EPYC: variants seen among roughly 807,000 people sequenced by gnomAD.
EPYC encodes the protein dermatan sulfate proteoglycan 3.
A neutral mutation model predicts 30.1 loss-of-function variants in EPYC; 28 were observed. The ratio of observed to expected loss-of-function variants is 0.93; its 90% CI spans 0.69 to 1.28. The LOEUF is 1.28. Ranked by LOEUF, EPYC falls within the 50% of genes most tolerant of loss-of-function variation. The pLI, the probability that EPYC is intolerant of heterozygous loss-of-function variation, is 0.00. For missense variants in EPYC, 382 were observed against 383.5 expected, an observed-to-expected ratio of 1.00 and a Z score of 0.03; for synonymous variants, 144 against 141.4, an observed-to-expected ratio of 1.02 and a Z score of -0.13.
chr12:90,978,143 G>A lies in EPYC; in HGVS notation c.285C>T (p.Gly95=). Residue 95 remains glycine, a synonymous_variant, in exon 3 of 7, where the codon GGC becomes GGT. Transcript: ENST00000261172. ...EEESTPRLID[G]SSPQEPEFTG... is the part of the protein sequence containing the mutation. Reference sequence around the variant, plus strand: ...TGAATTCAGGCTCCTGGGGAGAAGAGCCATCAATCAGCCTGGGAGTAGATT... The same window carrying A: ...TGAATTCAGGCTCCTGGGGAGAAGAACCATCAATCAGCCTGGGAGTAGATT... 1 of 1,605,366 alleles carries A rather than the reference G, an allele frequency of 6.2e-7. No homozygotes were observed. The highest frequency in any genetic ancestry group is 8.5e-7 in the Non-Finnish European group (1 of 1,176,440).
chr12:90,993,829 A>G (rs1877640682), intron 2 of EPYC, among the ~76,000 whole-genome samples: 1 of 152,046 alleles, frequency 6.6e-6, no homozygotes, highest in Admixed American at 6.6e-5. Context: ...TTGTGTGCAT[A>G]TTATAGCATT....
chr12:90,973,178 G>A (rs1877097112), intron 3 of EPYC, among the ~76,000 whole-genome samples, 198 bp from the exon 4 acceptor site: 1 of 149,144 alleles, frequency 6.7e-6, no homozygotes, highest in African/African-American at 2.5e-5. Flanking sequence ...TATATTCAAT[G>A]TAACATTTTA....
In EPYC at chr12:90,972,879, A is replaced by G. The variant is rs373463291; in HGVS notation, c.442T>C (p.Phe148Leu). 9 of 1,613,682 alleles carry G rather than the reference A, an allele frequency of 5.6e-6. No homozygotes were observed. In the Admixed American group the frequency reaches 8.3e-5, roughly 15 times the overall value. The change falls in exon 4 of 7, where the codon TTC (phenylalanine) becomes CTC (leucine). Residue 148 changes from phenylalanine to leucine, a missense_variant. By Grantham distance (22) the Phe-to-Leu change is conservative. Coordinates refer to ENST00000261172, the MANE Select transcript of EPYC (RefSeq NM_004950.5). ...IPPLPKNTAY[F>L]YSRFNRIKKI... ...TTAATTCTGTTAAAGCGGGAATAGA[A>G]ATAAGCGGTGTTCTTTGGCAGCGGA... is the stretch of plus-strand genomic sequence containing the variant.
At chr12:90,976,385 C>G (rs1341666531) in intron 3 of EPYC, among the ~76,000 whole-genome samples, 1 of 152,112 alleles carries the variant, frequency 6.6e-6, no homozygotes, top group African/African-American at 2.4e-5. Flanking sequence ...TACATGTATT[C>G]ATTTAATCCT....
At chr12:90,991,940 GT>G (rs1476428572) in intron 2 of EPYC, among the ~76,000 whole-genome samples, 2 of 152,166 alleles carry the variant, frequency 1.3e-5, no homozygotes, top group Non-Finnish European at 1.5e-5. Flanking sequence ...AATGTGGTAA[GT>G]TTTTTACTAG....
chr12:90,985,049 G>A (rs1222827991), intron 2 of EPYC, among the ~76,000 whole-genome samples: 2 of 152,172 alleles, frequency 1.3e-5, no homozygotes, highest in East Asian at 1.9e-4. Flanking sequence ...TGAAAAGAAT[G>A]TGGCTTTAGC....
chr12:90,989,206 A>G (rs1242403566), intron 2 of EPYC, among the ~76,000 whole-genome samples: 1 of 152,122 alleles, frequency 6.6e-6, no homozygotes, highest in Non-Finnish European at 1.5e-5. Flanking sequence ...ATTAGAAAAA[A>G]TAAAAGCATA....
At chr12:90,970,254 A>G in intron 5 of EPYC, 115 bp from the exon 6 acceptor site, 1 of 747,466 alleles carries the variant, frequency 1.3e-6, no homozygotes, top group Non-Finnish European at 2.2e-6. Context: ...GTAAAATAGC[A>G]TGTTCCAGTT....
chr12:90,965,246 A>G (rs1169490452), intron 6 of EPYC, among the ~76,000 whole-genome samples: 3 of 152,040 alleles, frequency 2.0e-5, no homozygotes, highest in African/African-American at 7.2e-5. Flanking sequence ...ATTTTTGTTT[A>G]TTCATCAATT....
intron 2 of EPYC, among the ~76,000 whole-genome samples, chr12:90,983,789 A>AT (rs1017056377): frequency 2.3e-4 from 35 of 151,754 alleles, no homozygotes; most frequent in Non-Finnish European, 4.9e-4. Context: ...GTGCTTTTCT[A>AT]TTTTTTCCTA....
rs573348272 is a variant in EPYC at position 90,983,468 on chromosome 12, T to C, written c.166-5206A>G. On this transcript the variant is annotated intron_variant, in intron 2 of 6. Transcript: ENST00000261172. ...GTCAGGCTTTCTGGGAAAGGGCTCT[T>C]TAACAACCCTGACTCTTCGGAGTTG... Among the ~76,000 whole-genome samples, 6 of 152,212 alleles carry C rather than the reference T, an allele frequency of 3.9e-5. No homozygotes were observed. In the Middle Eastern group the frequency reaches 0.01, roughly 259 times the overall value.
At chr12:90,984,768 A>T (rs1207843301) in intron 2 of EPYC, among the ~76,000 whole-genome samples, 1 of 152,038 alleles carries the variant, frequency 6.6e-6, no homozygotes, top group Non-Finnish European at 1.5e-5. Flanking sequence ...TCCTCCACCC[A>T]GAAGGAAACA....
intron 2 of EPYC, among the ~76,000 whole-genome samples, chr12:90,985,170 G>A (rs1877421339): frequency 6.6e-6 from 1 of 152,128 alleles, no homozygotes. Flanking sequence ...ATGGGGACTG[G>A]AGTCATAAAC....
chr12:90,975,225 T>A (rs1877153209), intron 3 of EPYC, among the ~76,000 whole-genome samples: 1 of 152,102 alleles, frequency 6.6e-6, no homozygotes, highest in South Asian at 2.1e-4. Context: ...CTCATAAAAA[T>A]TTTAAGAGTT....
At chr12:90,988,099 G>A (rs960747256) in intron 2 of EPYC, among the ~76,000 whole-genome samples, 5 of 152,218 alleles carry the variant, frequency 3.3e-5, no homozygotes, top group African/African-American at 9.6e-5. Context: ...TATTTATGAG[G>A]ATACCATTGT....
At chr12:90,982,066 T>C (rs1877336516) in intron 2 of EPYC, among the ~76,000 whole-genome samples, 1 of 152,160 alleles carries the variant, frequency 6.6e-6, no homozygotes, top group Non-Finnish European at 1.5e-5. Flanking sequence ...AATGTCTATG[T>C]CAAACATTAT....
intron 2 of EPYC, among the ~76,000 whole-genome samples, chr12:90,993,075 C>A (rs1877622678): frequency 6.6e-6 from 1 of 152,182 alleles, no homozygotes; most frequent in Admixed American, 6.5e-5. Flanking sequence ...TTATGACTTT[C>A]TTCTGGAACA....
intron 2 of EPYC, among the ~76,000 whole-genome samples, chr12:90,995,102 A>G (rs1714833672): frequency 1.3e-5 from 2 of 152,096 alleles, no homozygotes; most frequent in Non-Finnish European, 2.9e-5. Context: ...CCTGGTGCTC[A>G]CATTTGTTTC....
chr12:90,971,670 C>CTCAA (rs1877046739), intron 5 of EPYC, 130 bp downstream of exon 5: 2 of 118,546 alleles, frequency 1.7e-5, no homozygotes, highest in Non-Finnish European at 1.2e-5. Context: ...GAGACCCTAT[C>CTCAA]TCAATAAATA....
Sources: gnomAD v4.1 joint callset for allele counts (sites outside exome capture counted in the v4.1 genomes callset) on GRCh38, gnomAD v4.1.1 for gene constraint, MANE v1.5 for transcripts, NCBI Gene and HGNC (gene_info 2026-07-23, HGNC 2026-07-21) for gene names.